PHLDB2: variants seen among roughly 807,000 people sequenced by gnomAD.
The protein encoded by PHLDB2 is pleckstrin homology like domain family B member 2, also known as pleckstrin homology-like domain family B member 2.
PHLDB2 carries 71 observed loss-of-function variants against 123.6 expected under a neutral mutation model. That is an observed-to-expected ratio of 0.57 (90% confidence interval 0.47 to 0.70). The LOEUF is 0.70. Among genes scored for constraint, PHLDB2 ranks in the 30% least tolerant of loss-of-function variants. The pLI is 0.00. For missense variants in PHLDB2, 1,446 were observed against 1,519.5 expected (o/e 0.95, Z 0.80); for synonymous variants, 547 against 541.6 (o/e 1.01, Z -0.14).
chr3:111,859,732 G>A, intron 1 of PHLDB2, 156 bp downstream of exon 1: 1 of 985,416 alleles, frequency 1.0e-6, no homozygotes, highest in Non-Finnish European at 1.2e-6. Flanking sequence ...GTGGCTGCCC[G>A]GGCCGAGGAG....
rs142063562 is a variant in PHLDB2, at chr3:111,779,121, C to T, written c.-49+46418C>T. ...TCTGGAGAAAAAACTAACAAGTTCC[C>T]ATGTGATGTTGATGCTGCTGGTCCA... On this transcript the variant is annotated intron_variant, in intron 1 of 17. Coordinates refer to the PHLDB2 transcript ENST00000393923. Among the ~76,000 whole-genome samples, 14 of 152,188 alleles carry T rather than the reference C, an allele frequency of 9.2e-5. No individual in the cohort carries two copies. In the East Asian group the frequency reaches 2.7e-3, roughly 29 times the overall value.
At chr3:111,967,895 T>C (rs1302844330) in intron 15 of PHLDB2, 71 bp downstream of exon 15, 1 of 1,395,672 alleles carries the variant, frequency 7.2e-7, no homozygotes, top group Non-Finnish European at 9.5e-7. Context: ...ACAGCTGTTC[T>C]GTGTCTGAGG....
chr3:111,800,058 G>T (rs1428595556), intron 1 of PHLDB2, among the ~76,000 whole-genome samples: 3 of 152,134 alleles, frequency 2.0e-5, no homozygotes, highest in African/African-American at 7.2e-5. Flanking sequence ...AGGCTTGAGT[G>T]TGGTGGCACA....
chr3:111,838,212 G>A (rs1416720390), intron 1 of PHLDB2, among the ~76,000 whole-genome samples: 1 of 152,068 alleles, frequency 6.6e-6, no homozygotes, highest in Non-Finnish European at 1.5e-5. Context: ...TGTTGCCCAG[G>A]CTTGTCGCAA....
rs1248092814 is a variant in PHLDB2 at position 111,798,144 on chromosome 3, A to C, written c.-48-47677A>C. Among the ~76,000 whole-genome samples the C allele has an allele frequency of 2.6e-5, 4 of 152,112 alleles. No individual in the cohort carries two copies. In the South Asian group the frequency reaches 8.3e-4, roughly 32 times the overall value. On this transcript the variant is annotated intron_variant, in intron 1 of 17. Coordinates refer to the PHLDB2 transcript ENST00000393923. ...GTGAGACCCTATCTCAAAAAATTAA[A>C]ATTTGAAAAATTTGAAAAACAATTG... is the stretch of plus-strand genomic sequence containing the variant.
chr3:111,795,225 TCCA>T (rs2108225791), intron 1 of PHLDB2, among the ~76,000 whole-genome samples: 1 of 152,292 alleles, frequency 6.6e-6, no homozygotes, highest in Admixed American at 6.5e-5. Context: ...TTCTTAGGTC[TCCA>T]CCCTTCAGTC....
chr3:111,878,998 T>C (rs935202190), intron 1 of PHLDB2, among the ~76,000 whole-genome samples: 1 of 152,234 alleles, frequency 6.6e-6, no homozygotes, highest in African/African-American at 2.4e-5. Context: ...ATTAGGGATA[T>C]TGGCCTGAAA....
rs565725988 is a variant in PHLDB2, at chr3:111,757,603, C to CG, written c.-49+24900_-49+24901insG. 9.8e-5 allele frequency among the ~76,000 whole-genome samples: 15 copies of CG among 152,342 alleles called. No individual in the cohort carries two copies. The South Asian group carries it at 2.7e-3, about 27-fold the overall frequency. ...AAGTCATTCTCCATCCAGCTTTGTT[C>CG]CGTTGCTGGTGAGGAGCTGCGTTCC... On this transcript the variant is annotated intron_variant, in intron 1 of 17. Transcript: ENST00000393923.
intron 1 of PHLDB2, among the ~76,000 whole-genome samples, chr3:111,802,070 G>T (rs1197060325): frequency 6.6e-6 from 1 of 152,178 alleles, no homozygotes; most frequent in Admixed American, 6.5e-5. Flanking sequence ...AGGATAGAAA[G>T]ATTTAAGTAA....
At chr3:111,937,611 C>CA (rs1440222573) in intron 6 of PHLDB2, among the ~76,000 whole-genome samples, 1 of 151,642 alleles carries the variant, frequency 6.6e-6, no homozygotes, top group Non-Finnish European at 1.5e-5. Context: ...CCCCATTCTA[C>CA]AAAAAAGTAC....
upstream of PHLDB2, among the ~76,000 whole-genome samples, chr3:111,855,657 G>A (rs1420160144): frequency 2.2e-5 from 2 of 91,844 alleles, no homozygotes; most frequent in African/African-American, 8.5e-5. Context: ...TTTTTTTGGC[G>A]ACAAGGTCTC....
At chr3:111,903,256 G>A (rs1343401982) in intron 2 of PHLDB2, among the ~76,000 whole-genome samples, 2 of 152,210 alleles carry the variant, frequency 1.3e-5, no homozygotes, top group Non-Finnish European at 2.9e-5. Flanking sequence ...TGGGTTTTAT[G>A]TCAAGGGTGA....
intron 2 of PHLDB2, among the ~76,000 whole-genome samples, chr3:111,910,941 A>G (rs2067850450): frequency 6.6e-6 from 1 of 152,234 alleles, no homozygotes; most frequent in South Asian, 2.1e-4. Flanking sequence ...TCAAACTTGA[A>G]CAGATTGGCT....
intron 1 of PHLDB2, among the ~76,000 whole-genome samples, chr3:111,739,585 AAAC>A (rs1321492548): frequency 1.5e-4 from 11 of 71,284 alleles, no homozygotes; most frequent in Admixed American, 2.9e-4. Flanking sequence ...AAAAAAAAAA[AAAC>A]AAAACAAACA....
At chr3:111,904,243 A>C (rs1216590075) in intron 2 of PHLDB2, among the ~76,000 whole-genome samples, 2 of 117,368 alleles carry the variant, frequency 1.7e-5, no homozygotes, top group Non-Finnish European at 3.3e-5. Context: ...GCAACACTGC[A>C]CTATAGCCTG....
At chr3:111,847,910 G>A (rs1222282722) in intron 2 of PHLDB2, among the ~76,000 whole-genome samples, 3 of 152,180 alleles carry the variant, frequency 2.0e-5, no homozygotes, top group Non-Finnish European at 4.4e-5. Context: ...AAGTTTCCCA[G>A]ATAAGGGAGT....
At chr3:111,820,387 A>G (rs72936478) in intron 1 of PHLDB2, among the ~76,000 whole-genome samples, 6,470 of 152,254 alleles carry the variant, frequency 0.042, 465 homozygotes, top group African/African-American at 0.15. Context: ...TGAAGTTTAG[A>G]ATTCTCAGAC....
At chr3:111,797,439 C>T (rs1286330380) in intron 1 of PHLDB2, among the ~76,000 whole-genome samples, 1 of 152,208 alleles carries the variant, frequency 6.6e-6, no homozygotes, top group African/African-American at 2.4e-5. Flanking sequence ...CACTGAATAA[C>T]TAGAGGCCCA....
intron 1 of PHLDB2, among the ~76,000 whole-genome samples, chr3:111,746,116 G>T (rs2059677803): frequency 1.3e-5 from 2 of 152,224 alleles, no homozygotes; most frequent in South Asian, 4.1e-4. Flanking sequence ...TGGATGTGAG[G>T]TTTGAAGCAG....
Sources: allele counts gnomAD v4.1 joint callset (sites outside exome capture counted in the v4.1 genomes callset), GRCh38; gene constraint gnomAD v4.1.1; transcripts MANE v1.5; gene names NCBI Gene and HGNC (gene_info 2026-07-23, HGNC 2026-07-21).